Variants in SPAG16 observed in about 807,000 individuals in gnomAD.
SPAG16 encodes sperm associated antigen 16.
Under a neutral mutation model 80.4 loss-of-function variants are expected in SPAG16, and 86 were observed. The ratio of observed to expected loss-of-function variants is 1.07; its 90% CI spans 0.90 to 1.28. SPAG16 has a LOEUF of 1.28. Ranked by LOEUF, SPAG16 falls within the 50% of genes most tolerant of loss-of-function variation. SPAG16 has a pLI of 0.00. For synonymous variants in SPAG16, 294 were observed against 265.9 expected (o/e 1.11, Z -1.03); for missense variants, 870 against 765.3 (o/e 1.14, Z -1.61).
intron 7 of SPAG16, 24 bp from the exon 8 acceptor site, chr2:213,364,052 A>G: frequency 7.8e-7 from 1 of 1,280,114 alleles, no homozygotes; most frequent in South Asian, 1.6e-5. Context: ...GTATAATTTC[A>G]TTTCTTTGAA....
At chr2:214,051,295 A>G (rs1260250776) in intron 13 of SPAG16, among the ~76,000 whole-genome samples, 1 of 152,174 alleles carries the variant, frequency 6.6e-6, no homozygotes, top group Non-Finnish European at 1.5e-5. Flanking sequence ...ACATCTCAAA[A>G]AGAAAAGGCA....
intron 10 of SPAG16, among the ~76,000 whole-genome samples, chr2:213,781,362 T>C (rs748675193): frequency 6.6e-6 from 1 of 152,146 alleles, no homozygotes; most frequent in Non-Finnish European, 1.5e-5. Flanking sequence ...TTAATAGATA[T>C]AAGATATATT....
chr2:214,041,221 G>A (rs1029385437), intron 13 of SPAG16, among the ~76,000 whole-genome samples: 1 of 150,396 alleles, frequency 6.6e-6, no homozygotes, highest in African/African-American at 2.4e-5. Flanking sequence ...GTTCTGTTTT[G>A]CTTTGTTTTT....
intron 10 of SPAG16, among the ~76,000 whole-genome samples, chr2:213,776,847 C>T (rs1280478690): frequency 7.5e-6 from 1 of 133,198 alleles, no homozygotes; most frequent in Non-Finnish European, 1.6e-5. Context: ...ACCCCAGGAC[C>T]CGAGCATTAT....
intron 15 of SPAG16, among the ~76,000 whole-genome samples, chr2:214,242,379 C>T (rs1689556849): frequency 6.6e-6 from 1 of 152,100 alleles, no homozygotes; most frequent in African/African-American, 2.4e-5. Context: ...TTGTCAAAAT[C>T]ATAAAAAGAC....
intron 10 of SPAG16, among the ~76,000 whole-genome samples, chr2:213,743,548 A>G (rs1417421094): frequency 6.6e-6 from 1 of 152,198 alleles, no homozygotes; most frequent in East Asian, 1.9e-4. Flanking sequence ...ATTATTTAAT[A>G]TTAAGACATT....
At chr2:213,835,661 G>A (rs1022422921) in intron 10 of SPAG16, among the ~76,000 whole-genome samples, 1 of 151,994 alleles carries the variant, frequency 6.6e-6, no homozygotes, top group Non-Finnish European at 1.5e-5. Context: ...GGAGATTTAT[G>A]CTCTAAAATT....
chr2:213,748,325 C>T (rs917257947), intron 10 of SPAG16, among the ~76,000 whole-genome samples: 1 of 152,000 alleles, frequency 6.6e-6, no homozygotes, highest in Non-Finnish European at 1.5e-5. Context: ...ATACATAGAA[C>T]TGGAATGAAC....
At chr2:214,171,566 A>T (rs1363155403) in intron 15 of SPAG16, among the ~76,000 whole-genome samples, 2 of 152,048 alleles carry the variant, frequency 1.3e-5, no homozygotes, top group South Asian at 2.1e-4. Flanking sequence ...ATTCTCATTA[A>T]ACTCTTTTAA....
At chr2:213,677,010 T>C (rs1180181403) in intron 10 of SPAG16, among the ~76,000 whole-genome samples, 1 of 151,830 alleles carries the variant, frequency 6.6e-6, no homozygotes, top group East Asian at 1.9e-4. Flanking sequence ...ATCCATCTGG[T>C]CCTGGACTCT....
intron 10 of SPAG16, among the ~76,000 whole-genome samples, chr2:213,761,346 G>T (rs1019494179): frequency 6.6e-6 from 1 of 151,974 alleles, no homozygotes; most frequent in Admixed American, 6.6e-5. Flanking sequence ...ACAATGTATG[G>T]AACTAGAAAA....
intron 12 of SPAG16, among the ~76,000 whole-genome samples, chr2:213,931,116 T>C (rs1383781351): frequency 1.3e-5 from 2 of 152,202 alleles, no homozygotes; most frequent in Admixed American, 6.5e-5. Context: ...TTTTAGTTAC[T>C]TAGTTAGCAA....
chr2:214,249,517 T>C (rs1395591480), intron 15 of SPAG16, among the ~76,000 whole-genome samples: 1 of 151,944 alleles, frequency 6.6e-6, no homozygotes, highest in East Asian at 1.9e-4. Flanking sequence ...CTCACAGAAA[T>C]GAATAACATG....
At chr2:213,545,792 G>T (rs942993131) in intron 10 of SPAG16, among the ~76,000 whole-genome samples, 3 of 152,032 alleles carry the variant, frequency 2.0e-5, no homozygotes, top group Non-Finnish European at 4.4e-5. Flanking sequence ...CTTGGGAGGG[G>T]TTTGTGTGAT....
At chr2:213,994,282 G>A (rs1291421206) in intron 12 of SPAG16, among the ~76,000 whole-genome samples, 1 of 151,996 alleles carries the variant, frequency 6.6e-6, no homozygotes, top group African/African-American at 2.4e-5. Context: ...AATGACGAGG[G>A]ACACATGCCA....
At position 214,295,369 on chromosome 2, in the gene SPAG16, T is replaced by G. The variant is rs75853382; in HGVS notation, c.1721-114771T>G. On this transcript the variant is annotated intron_variant, in intron 15 of 15. Transcript: ENST00000331683. ...CTTACTCCACACTCTAATGAAACAG[T>G]TTTTGCTAGCTAGCATTTATTAAGC... is the stretch of plus-strand genomic sequence containing the variant. Among the ~76,000 whole-genome samples the G allele has an allele frequency of 4.7e-3, 709 of 152,298 alleles. 4 individuals carry two copies. Among genetic ancestry groups the G allele is most frequent in the African/African-American group, 0.016 (674 of 41,558 alleles).
At chr2:213,961,590 T>G (rs2044426159) in intron 12 of SPAG16, among the ~76,000 whole-genome samples, 1 of 151,214 alleles carries the variant, frequency 6.6e-6, no homozygotes, top group African/African-American at 2.4e-5. Context: ...CCCTAGTTTT[T>G]TTTTTTTTTT....
intron 10 of SPAG16, among the ~76,000 whole-genome samples, chr2:213,712,735 T>A (rs1158734098): frequency 6.6e-6 from 1 of 152,102 alleles, no homozygotes; most frequent in African/African-American, 2.4e-5. Flanking sequence ...ACTTGAGTCC[T>A]CAGAAATTGG....
At chr2:214,272,345 T>C (rs1692093909) in intron 15 of SPAG16, among the ~76,000 whole-genome samples, 1 of 152,186 alleles carries the variant, frequency 6.6e-6, no homozygotes, top group African/African-American at 2.4e-5. Context: ...GTGCACAATG[T>C]GCAGGTTTGT....
Sources: allele counts gnomAD v4.1 joint callset (sites outside exome capture counted in the v4.1 genomes callset), GRCh38; gene constraint gnomAD v4.1.1; transcripts MANE v1.5; gene names NCBI Gene and HGNC (gene_info 2026-07-23, HGNC 2026-07-21).